The following GRIA2 variants were observed in gnomAD, a reference collection of about 807,000 sequenced individuals.
GRIA2 encodes glutamate receptor 2.
Under a neutral mutation model 97.3 loss-of-function variants are expected in GRIA2, and 14 were observed. The observed-to-expected ratio is 0.14, with a 90% CI of 0.10 to 0.23. GRIA2 has a LOEUF of 0.23. GRIA2 is among the 10% of genes least tolerant of loss of function. The pLI is 1.00. For missense variants in GRIA2, 558 were observed against 1,069.8 expected, an observed-to-expected ratio of 0.52 and a Z score of 6.67; for synonymous variants, 412 against 387.8, an observed-to-expected ratio of 1.06 and a Z score of -0.73.
At chr4:157,234,726 A>G (rs1281614935) in intron 2 of GRIA2, among the ~76,000 whole-genome samples, 1 of 152,084 alleles carries the variant, frequency 6.6e-6, no homozygotes, top group South Asian at 2.1e-4. Flanking sequence ...GGTCACTATC[A>G]TCTTTTTCAC....
chr4:157,329,726 T>G (rs575657436), intron 6 of GRIA2, among the ~76,000 whole-genome samples: 207 of 152,060 alleles, frequency 1.4e-3, no homozygotes, highest in African/African-American at 4.7e-3. Context: ...ATATATAACA[T>G]ATTTTACAAC....
intron 4 of GRIA2, among the ~76,000 whole-genome samples, chr4:157,313,382 A>G (rs1335630637): frequency 1.3e-5 from 2 of 152,054 alleles, no homozygotes; most frequent in Non-Finnish European, 2.9e-5. Context: ...AAAAACATTG[A>G]TTTGTGAAAT....
intron 12 of GRIA2, among the ~76,000 whole-genome samples, chr4:157,355,951 T>TTAATATATTTATATATATTTATATATTTA (rs1736306427): frequency 1.5e-5 from 1 of 68,104 alleles, no homozygotes; most frequent in African/African-American, 7.5e-5. Flanking sequence ...TAATATATAT[T>TTAATATATTTATATATATTTATATATTTA]TATATATTTA....
chr4:157,343,388 T>G (rs1054427192), intron 12 of GRIA2, among the ~76,000 whole-genome samples: 1 of 152,084 alleles, frequency 6.6e-6, no homozygotes, highest in Non-Finnish European at 1.5e-5. Flanking sequence ...ATGCAACTAA[T>G]AAGTATGCTG....
chr4:157,320,567 C>T (rs1048064587), intron 5 of GRIA2, among the ~76,000 whole-genome samples: 1 of 151,992 alleles, frequency 6.6e-6, no homozygotes, highest in African/African-American at 2.4e-5. Context: ...AAAGTAATTA[C>T]CTTCTCCTTC....
Position 157,243,882 on chromosome 4 carries a change from C to T in GRIA2, c.229+22075C>T, listed in dbSNP as rs189500523. 7.9e-5 allele frequency among the ~76,000 whole-genome samples: 12 copies of T among 151,352 alleles called. No individual in the cohort carries two copies. In the East Asian group the frequency reaches 1.6e-3, roughly 20 times the overall value. On this transcript the variant is annotated intron_variant, in intron 2 of 15. Coordinates refer to ENST00000264426, the MANE Select transcript of GRIA2 (RefSeq NM_001083619.3). ...ACATTAAGAAGACTAGAAAGGTGGA[C>T]GCTCATGGAGCCTATGTTAGAATGG... is the stretch of plus-strand genomic sequence containing the variant.
At chr4:157,245,989 C>G (rs1166500906) in intron 2 of GRIA2, among the ~76,000 whole-genome samples, 2 of 151,982 alleles carry the variant, frequency 1.3e-5, no homozygotes, top group African/African-American at 4.8e-5. Context: ...CAACCTCATT[C>G]CAATTTTTTT....
chr4:157,363,708 C>A lies in GRIA2; in HGVS notation c.*277C>A, dbSNP rs1315942364. On this transcript the variant is annotated 3_prime_UTR_variant, in exon 16 of 16. Coordinates refer to ENST00000264426, the MANE Select transcript of GRIA2 (RefSeq NM_001083619.3). ...AAGACTTTTCTTTCAGCCAAGAATT[C>A]TTAAATATGTGGAGTTCATCTTGAA... The A allele has an allele frequency of 4.2e-6, 2 of 479,516 alleles. No homozygotes were observed. The highest frequency in any genetic ancestry group is 6.7e-6 in the Non-Finnish European group (2 of 299,382). The allele number at this position is 479,516 out of a possible 1,614,324, so 29.7% of individuals were successfully genotyped here. A position where few individuals can be genotyped will look rare whatever the true frequency, so the allele number is the denominator to read the frequency against.
rs117039793 is a variant in GRIA2 at position 157,293,247 on chromosome 4, A to G, written c.230-10305A>G. ...AGCACATGTGCTCCAAGATGTATGT[A>G]TTCACATGTTCACTGCAGCCTTGTT... On this transcript the variant is annotated intron_variant, in intron 2 of 15. Coordinates refer to ENST00000264426, the MANE Select transcript of GRIA2 (RefSeq NM_001083619.3). Among the ~76,000 whole-genome samples the G allele has an allele frequency of 6.0e-4, 91 of 152,278 alleles. No individual in the cohort carries two copies. The East Asian group carries it at 0.011, about 18-fold the overall frequency.
intron 2 of GRIA2, among the ~76,000 whole-genome samples, chr4:157,242,802 G>A (rs1009419755): frequency 6.6e-6 from 1 of 151,938 alleles, no homozygotes; most frequent in Non-Finnish European, 1.5e-5. Flanking sequence ...ATTGTTTACA[G>A]ACATCTTTCT....
intron 3 of GRIA2, 86 bp downstream of exon 3, chr4:157,303,877 G>T (rs965019805): frequency 5.8e-6 from 8 of 1,388,656 alleles, no homozygotes; most frequent in Middle Eastern, 3.6e-4. Flanking sequence ...AAGCTACAAA[G>T]GTGTGATAAA....
chr4:157,289,159 G>A (rs941897453), intron 2 of GRIA2, among the ~76,000 whole-genome samples: 4 of 151,798 alleles, frequency 2.6e-5, no homozygotes, highest in African/African-American at 7.2e-5. Flanking sequence ...AAAAAATGTT[G>A]TGAAGGGAAA....
chr4:157,336,371 T>G lies in GRIA2; in HGVS notation c.1474-6T>G. The G allele has an allele frequency of 6.5e-7, 1 of 1,531,294 alleles. No individual in the cohort carries two copies. The highest frequency in any genetic ancestry group is 8.8e-7 in the Non-Finnish European group (1 of 1,140,862). 94.9% of individuals were successfully genotyped at this position (1,531,294 alleles called of 1,614,324 possible). On this transcript the variant is annotated splice_region_variant and splice_polypyrimidine_tract_variant and intron_variant, in intron 10 of 15. Coordinates refer to ENST00000264426, the MANE Select transcript of GRIA2 (RefSeq NM_001083619.3). ...GTACTATTACTTTCCTTTTTTTCCCTTACAGAAAGCTGATATTGCAATTGC... is the reference window on the plus strand; with the variant it reads ...GTACTATTACTTTCCTTTTTTTCCCGTACAGAAAGCTGATATTGCAATTGC...
chr4:157,341,509 AC>A, intron 12 of GRIA2, 47 bp downstream of exon 12: 1 of 1,300,556 alleles, frequency 7.7e-7, no homozygotes, highest in Non-Finnish European at 1.1e-6. Context: ...CTGAAATTTA[AC>A]CTATTTAAAC....
At chr4:157,256,580 C>G (rs1049132657) in intron 2 of GRIA2, among the ~76,000 whole-genome samples, 4 of 151,596 alleles carry the variant, frequency 2.6e-5, no homozygotes, top group Non-Finnish European at 4.4e-5. Flanking sequence ...CACACAGAAC[C>G]ATTTGTGTTC....
intron 2 of GRIA2, among the ~76,000 whole-genome samples, chr4:157,225,337 T>C (rs1440810786): frequency 6.6e-6 from 1 of 152,048 alleles, no homozygotes; most frequent in Non-Finnish European, 1.5e-5. Flanking sequence ...ATCATTCCCT[T>C]TTTCTTTTCC....
intron 2 of GRIA2, among the ~76,000 whole-genome samples, chr4:157,273,990 C>A (rs957592741): frequency 6.6e-6 from 1 of 151,988 alleles, no homozygotes; most frequent in African/African-American, 2.4e-5. Context: ...AAATATCTCA[C>A]CTATAGAAGA....
chr4:157,363,237 T>C, intron 15 of GRIA2, 190 bp downstream of exon 15: 1 of 678,658 alleles, frequency 1.5e-6, no homozygotes, highest in Non-Finnish European at 2.4e-6. Flanking sequence ...GCACAGTAGC[T>C]TGGGTGAATG....
intron 2 of GRIA2, among the ~76,000 whole-genome samples, chr4:157,263,541 C>T (rs186399361): frequency 2.0e-5 from 3 of 151,900 alleles, no homozygotes; most frequent in African/African-American, 7.3e-5. Context: ...AAAATATGGT[C>T]GACCAGGTGG....
Sources: allele counts gnomAD v4.1 joint callset (sites outside exome capture counted in the v4.1 genomes callset), GRCh38; gene constraint gnomAD v4.1.1; transcripts MANE v1.5; gene names NCBI Gene and HGNC (gene_info 2026-07-23, HGNC 2026-07-21).